CA10: variants seen among roughly 807,000 people sequenced by gnomAD.
CA10 encodes the protein carbonic anhydrase 10 (inactive).
CA10 carries 14 observed loss-of-function variants against 44.2 expected under a neutral mutation model. The ratio of observed to expected loss-of-function variants is 0.32; its 90% CI spans 0.21 to 0.50. The LOEUF (loss-of-function observed/expected upper bound fraction) is 0.50, where lower values mean the gene tolerates loss of function less well. CA10 is among the 20% of genes least tolerant of loss of function. CA10 has a pLI of 0.99. For missense variants in CA10, 350 were observed against 409.7 expected (o/e 0.85, Z 1.26); for synonymous variants, 159 against 141.6 (o/e 1.12, Z -0.87).
intron 2 of CA10, among the ~76,000 whole-genome samples, chr17:51,999,820 C>T (rs1190443844): frequency 2.0e-5 from 3 of 152,054 alleles, no homozygotes; most frequent in African/African-American, 7.2e-5. Context: ...AGCACCAAGA[C>T]ACAGAAGCAG....
intron 3 of CA10, among the ~76,000 whole-genome samples, chr17:51,769,624 A>G (rs1229159395): frequency 6.6e-6 from 1 of 152,180 alleles, no homozygotes; most frequent in African/African-American, 2.4e-5. Flanking sequence ...CATAAATCCT[A>G]TGAGACCAGC....
intron 5 of CA10, among the ~76,000 whole-genome samples, chr17:51,651,894 C>T (rs908100493): frequency 6.6e-6 from 1 of 152,170 alleles, no homozygotes; most frequent in Non-Finnish European, 1.5e-5. Flanking sequence ...ATATTGTGAC[C>T]TATCTACGGC....
At chr17:51,956,776 T>G (rs1253536180) in intron 2 of CA10, among the ~76,000 whole-genome samples, 1 of 152,134 alleles carries the variant, frequency 6.6e-6, no homozygotes, top group African/African-American at 2.4e-5. Context: ...AAAAAACTTT[T>G]TATTCTTTAG....
At chr17:51,701,819 A>G (rs984915551) in intron 4 of CA10, among the ~76,000 whole-genome samples, 3 of 152,250 alleles carry the variant, frequency 2.0e-5, no homozygotes, top group African/African-American at 7.2e-5. Context: ...AGAGGCTGCC[A>G]CAGTTCTACA....
chr17:52,100,245 T>C (rs1367098770), intron 1 of CA10, among the ~76,000 whole-genome samples: 1 of 152,086 alleles, frequency 6.6e-6, no homozygotes, highest in Non-Finnish European at 1.5e-5. Context: ...AGGACCGGGA[T>C]CCAGACCAAA....
Position 51,982,725 on chromosome 17 carries a change from T to A in CA10, c.137-51593A>T, listed in dbSNP as rs563619177. Among the ~76,000 whole-genome samples the A allele has an allele frequency of 2.6e-5, 4 of 152,028 alleles. No individual in the cohort carries two copies. In the East Asian group the frequency reaches 7.7e-4, roughly 29 times the overall value. On this transcript the variant is annotated intron_variant, in intron 2 of 8. Transcript: ENST00000451037. Reference sequence around the variant, plus strand: ...GGCAAATACCACAACCTTTTCCCAATAAATTACATCATCAACTTTAGGTAT... The same window carrying A: ...GGCAAATACCACAACCTTTTCCCAAAAAATTACATCATCAACTTTAGGTAT...
intron 3 of CA10, among the ~76,000 whole-genome samples, chr17:51,859,321 A>G (rs1979196971): frequency 6.6e-6 from 1 of 152,124 alleles, no homozygotes; most frequent in Admixed American, 6.6e-5. Flanking sequence ...AGCAAGATTG[A>G]CACTGCTGCC....
chr17:51,820,387 A>C, intron 3 of CA10, among the ~76,000 whole-genome samples: 1 of 137,884 alleles, frequency 7.3e-6, no homozygotes, highest in African/African-American at 2.8e-5. Context: ...CTTGTTTTAT[A>C]AACCTGGGGA....
chr17:51,701,964 C>CGGTA (rs1215282588), intron 4 of CA10, among the ~76,000 whole-genome samples: 7 of 152,158 alleles, frequency 4.6e-5, no homozygotes, highest in Admixed American at 4.6e-4. Flanking sequence ...AGGTTGGCAC[C>CGGTA]TTACCCAGAT....
At chr17:52,052,685 T>C (rs1393410293) in intron 2 of CA10, among the ~76,000 whole-genome samples, 1 of 152,062 alleles carries the variant, frequency 6.6e-6, no homozygotes, top group African/African-American at 2.4e-5. Flanking sequence ...TGTAGTATAA[T>C]AGCTTTTCTT....
chr17:52,090,552 C>G (rs1473014991), intron 1 of CA10, among the ~76,000 whole-genome samples: 1 of 151,910 alleles, frequency 6.6e-6, no homozygotes, highest in East Asian at 1.9e-4. Context: ...CTAATTGTAA[C>G]AAAAATTATT....
rs182923650 is a variant in CA10 at position 52,027,942 on chromosome 17, C to G, written c.136+44377G>C. ...CCTTGTGTCAAGAGCTTCTGGGATC[C>G]TACTTTCAACACTGGTAGGCTGGAC... is the stretch of plus-strand genomic sequence containing the variant. On this transcript the variant is annotated intron_variant, in intron 2 of 8. Coordinates refer to ENST00000451037, the MANE Select transcript of CA10 (RefSeq NM_020178.5). 3.3e-5 allele frequency among the ~76,000 whole-genome samples: 5 copies of G among 152,218 alleles called. No individual in the cohort carries two copies. In the East Asian group the frequency reaches 9.7e-4, roughly 29 times the overall value.
intron 3 of CA10, among the ~76,000 whole-genome samples, chr17:51,800,248 C>A (rs1282028291): frequency 6.6e-6 from 1 of 152,122 alleles, no homozygotes; most frequent in Non-Finnish European, 1.5e-5. Flanking sequence ...AAAACAGACA[C>A]AAACGGCTAC....
chr17:51,635,937 T>C lies in CA10; in HGVS notation c.707A>G (p.Asp236Gly). 3 of 1,610,032 alleles carry C rather than the reference T, an allele frequency of 1.9e-6. No homozygotes were observed. Among genetic ancestry groups the C allele is most frequent in the South Asian group, 1.1e-5 (1 of 90,608 alleles). The part of the protein sequence containing the change: ...YPETSSFITY[D>G]GSMTIPPCYE... ...GCAGGGTGGGATAGTCATCGACCCATCGTAAGTGATGAAACTAGAGGTCTC... is the reference window on the plus strand; with the variant it reads ...GCAGGGTGGGATAGTCATCGACCCACCGTAAGTGATGAAACTAGAGGTCTC... Residue 236 changes from aspartate to glycine, a missense_variant, in exon 7 of 9, where the codon GAT (aspartate) becomes GGT (glycine). Coordinates refer to ENST00000451037, the MANE Select transcript of CA10 (RefSeq NM_020178.5).
At chr17:51,786,412 C>T (rs1280699718) in intron 3 of CA10, among the ~76,000 whole-genome samples, 1 of 152,082 alleles carries the variant, frequency 6.6e-6, no homozygotes, top group African/African-American at 2.4e-5. Flanking sequence ...ATTAGACAGG[C>T]ATGGTGATGT....
intron 3 of CA10, among the ~76,000 whole-genome samples, chr17:51,806,789 G>GT (rs1355006442): frequency 6.6e-6 from 1 of 152,206 alleles, no homozygotes; most frequent in East Asian, 1.9e-4. Context: ...GGAATATAAT[G>GT]TGTGATAATA....
At chr17:52,146,124 G>A (rs1467845231) in intron 1 of CA10, among the ~76,000 whole-genome samples, 1 of 152,164 alleles carries the variant, frequency 6.6e-6, no homozygotes, top group African/African-American at 2.4e-5. Context: ...TGGCTACAAG[G>A]CTAGCCTACA....
intron 3 of CA10, among the ~76,000 whole-genome samples, chr17:51,909,948 G>A (rs564819646): frequency 1.6e-4 from 24 of 152,092 alleles, no homozygotes; most frequent in African/African-American, 5.3e-4. Context: ...AAAATTTTTC[G>A]CTTCAATTTT....
At chr17:51,696,605 T>C (rs1330431160) in intron 4 of CA10, among the ~76,000 whole-genome samples, 3 of 152,332 alleles carry the variant, frequency 2.0e-5, no homozygotes, top group Non-Finnish European at 4.4e-5. Flanking sequence ...CAATTTTAGT[T>C]ATTTCTTCTC....
Sources: gnomAD v4.1 joint callset for allele counts (sites outside exome capture counted in the v4.1 genomes callset) on GRCh38, gnomAD v4.1.1 for gene constraint, MANE v1.5 for transcripts, NCBI Gene and HGNC (gene_info 2026-07-23, HGNC 2026-07-21) for gene names.